CPSF6: variants seen among roughly 807,000 people sequenced by gnomAD.
CPSF6 encodes the protein cleavage and polyadenylation specificity factor subunit 6.
CPSF6 carries 10 observed loss-of-function variants against 56.7 expected under a neutral mutation model. That is an observed-to-expected ratio of 0.18 (90% CI 0.11 to 0.30). CPSF6 has a LOEUF of 0.30. Among genes scored for constraint, CPSF6 ranks in the 10% least tolerant of loss-of-function variants. The pLI, the probability that CPSF6 is intolerant of heterozygous loss-of-function variation, is 1.00. For synonymous variants in CPSF6, 248 were observed against 244.8 expected, an observed-to-expected ratio of 1.01 and a Z score of -0.12; for missense variants, 419 against 722.9, an observed-to-expected ratio of 0.58 and a Z score of 4.82.
intron 3 of CPSF6, 43 bp downstream of exon 3, chr12:69,253,197 T>C: frequency 1.0e-6 from 1 of 984,804 alleles, no homozygotes; most frequent in Non-Finnish European, 1.6e-6. Flanking sequence ...TAGCTAGTGA[T>C]ACAGTTTTTA....
Position 69,269,566 on chromosome 12 carries a change from A to T in CPSF6, c.*58A>T, listed in dbSNP as rs1873149549. Reference sequence around the variant, plus strand: ...AAACAGTCTTCATGGGGGAAAAATGACGCTTGTCCAGCAGTTTGCTTCTTG... The same window carrying T: ...AAACAGTCTTCATGGGGGAAAAATGTCGCTTGTCCAGCAGTTTGCTTCTTG... On this transcript the variant is annotated 3_prime_UTR_variant, in exon 10 of 10. Coordinates refer to ENST00000435070, the MANE Select transcript of CPSF6 (RefSeq NM_007007.3). 4.4e-6 allele frequency: 2 copies of T among 449,692 alleles called. No individual in the cohort carries two copies. The highest frequency in any genetic ancestry group is 4.5e-6 in the Non-Finnish European group (1 of 223,702). The allele number at this position is 449,692 out of a possible 1,614,324, so 27.9% of individuals were successfully genotyped here. A position where few individuals can be genotyped will look rare whatever the true frequency, so the allele number is the denominator to read the frequency against.
At position 69,262,510 on chromosome 12, in the gene CPSF6, G is replaced by A. The variant is rs762323266; in HGVS notation, c.1607G>A (p.Arg536Gln). 1 of 1,613,980 alleles carries A rather than the reference G, an allele frequency of 6.2e-7. No homozygotes were observed. The highest frequency in any genetic ancestry group is 8.5e-7 in the Non-Finnish European group (1 of 1,179,936). ...RERERHRDRD[R>Q]DRDRERDRER... The stretch of plus-strand genomic sequence containing the variant: ...CGAGAGAGGCACCGGGATCGTGACC[G>A]AGACCGTGACCGAGAGCGTGACCGA... Residue 536 changes from arginine to glutamine, a missense_variant, in exon 9 of 10, where the codon CGA (arginine) becomes CAA (glutamine). Transcript: ENST00000435070.
chr12:69,247,983 A>G (rs1368861216), intron 1 of CPSF6, among the ~76,000 whole-genome samples: 1 of 152,234 alleles, frequency 6.6e-6, no homozygotes, highest in African/African-American at 2.4e-5. Context: ...ATCAAACCCC[A>G]GGACCATGGT....
At chr12:69,247,621 TTA>T (rs1871983204) in intron 1 of CPSF6, among the ~76,000 whole-genome samples, 1 of 152,212 alleles carries the variant, frequency 6.6e-6, no homozygotes, top group African/African-American at 2.4e-5. Context: ...AACCTTTTTT[TTA>T]GTCTGTTCAG....
intron 1 of CPSF6, among the ~76,000 whole-genome samples, chr12:69,250,655 G>GT (rs71091600): frequency 8.3e-4 from 120 of 145,428 alleles, no homozygotes; most frequent in Non-Finnish European, 1.2e-3. Flanking sequence ...TTGTTTTTTT[G>GT]TTTTTTTTTG....
chr12:69,252,537 G>A (rs1422326172), intron 2 of CPSF6, among the ~76,000 whole-genome samples: 2 of 152,262 alleles, frequency 1.3e-5, no homozygotes, highest in East Asian at 3.9e-4. Flanking sequence ...TTGTTAAAGA[G>A]TTAAAGCTCT....
rs559899167 is a variant in CPSF6, at chr12:69,270,347, G to T, written c.*839G>T. ...CATAAGTAAAAACCCGTACATATTTGATGTGTAATGCAGGTTAATTACAAC... is the reference window on the plus strand; with the variant it reads ...CATAAGTAAAAACCCGTACATATTTTATGTGTAATGCAGGTTAATTACAAC... On this transcript the variant is annotated 3_prime_UTR_variant, in exon 10 of 10. Transcript: ENST00000435070. 1.3e-5 allele frequency: 2 copies of T among 152,224 alleles called. No individual in the cohort carries two copies. Among genetic ancestry groups the T allele is most frequent in the East Asian group, 3.9e-4 (2 of 5,188 alleles). 9.4% of individuals were successfully genotyped at this position (152,224 alleles called of 1,614,324 possible). A position where few individuals can be genotyped will look rare whatever the true frequency, so the allele number is the denominator to read the frequency against.
At chr12:69,253,001 A>G (rs2120517056) in intron 2 of CPSF6, 50 bp from the exon 3 acceptor site, 1 of 1,077,592 alleles carries the variant, frequency 9.3e-7, no homozygotes, top group Middle Eastern at 2.2e-4. Context: ...TGGGATAATA[A>G]AAATCTTGGT....
Position 69,262,423 on chromosome 12 carries a change from G to A in CPSF6, c.1520G>A (p.Arg507Gln). 10 of 1,612,348 alleles carry A rather than the reference G, an allele frequency of 6.2e-6. No homozygotes were observed. Among genetic ancestry groups the A allele is most frequent in the Non-Finnish European group, 8.5e-6 (10 of 1,178,810 alleles). Residue 507 changes from arginine to glutamine, a missense_variant, in exon 9 of 10, where the codon CGA becomes CAA. Arg to Gln is a conservative substitution (Grantham distance 43, BLOSUM62 1). Transcript: ENST00000435070. ...RDHSRSREKSRRHKSRSRDRH... is the reference protein window; with the variant it reads ...RDHSRSREKSQRHKSRSRDRH... Reference sequence around the variant, plus strand: ...CATAGTAGATCACGAGAAAAGAGTCGACGTCATAAATCCCGTAGTAGAGAC... The same window carrying A: ...CATAGTAGATCACGAGAAAAGAGTCAACGTCATAAATCCCGTAGTAGAGAC...
Position 69,260,116 on chromosome 12 carries a change from A to T in CPSF6, c.1388A>T (p.Asp463Val), listed in dbSNP as rs368256817. The T allele has an allele frequency of 6.2e-7, 1 of 1,613,630 alleles. No homozygotes were observed. The highest frequency in any genetic ancestry group is 8.5e-7 in the Non-Finnish European group (1 of 1,179,742). Residue 463 changes from aspartate to valine, a missense_variant, in exon 8 of 10, where the codon GAT (aspartate) becomes GTT (valine). Asp to Val is a radical substitution (Grantham distance 152). Around this residue, in one of 4 missense-constraint regions of CPSF6, gnomAD observed 81 missense variants for 193.6 expected, o/e 0.42. Coordinates refer to ENST00000435070, the MANE Select transcript of CPSF6 (RefSeq NM_007007.3). ...ATTAAACAATCCAAAGTATCTGCTG[A>T]TGATCGTTGCAAAGTTCTTATTAGT... is the stretch of plus-strand genomic sequence containing the variant. ...SLIKQSKVSA[D>V]DRCKVLISSL...
At chr12:69,250,201 T>C (rs1371271512) in intron 1 of CPSF6, among the ~76,000 whole-genome samples, 1 of 152,104 alleles carries the variant, frequency 6.6e-6, no homozygotes, top group African/African-American at 2.4e-5. Flanking sequence ...TTCCTCAAGG[T>C]TGGAAAACAA....
chr12:69,271,348 G>A lies in CPSF6; in HGVS notation c.*1840G>A, dbSNP rs1873233637. On this transcript the variant is annotated 3_prime_UTR_variant, in exon 10 of 10. Transcript: ENST00000435070. ...TTTGACTACAATGCCCTAATGCGAA[G>A]AAGTATGGACATATAAATATTACAA... 6.6e-6 allele frequency: 1 copy of A among 152,026 alleles called. No individual in the cohort carries two copies. Among genetic ancestry groups the A allele is most frequent in the African/African-American group, 2.4e-5 (1 of 41,346 alleles). The allele number at this position is 152,026 out of a possible 1,614,324, so 9.4% of individuals were successfully genotyped here.
At chr12:69,243,592 A>G (rs1204497175) in intron 1 of CPSF6, among the ~76,000 whole-genome samples, 2 of 152,204 alleles carry the variant, frequency 1.3e-5, no homozygotes, top group African/African-American at 2.4e-5. Flanking sequence ...TGTATCTAAT[A>G]TATCTAAACA....
chr12:69,258,185 A>ACTTATAT lies in CPSF6; in HGVS notation c.694+280_694+281insCTTATAT. The ACTTATAT allele has an allele frequency of 1.9e-6, 2 of 1,070,456 alleles. No homozygotes were observed. Among genetic ancestry groups the ACTTATAT allele is most frequent in the South Asian group, 2.8e-5 (2 of 70,324 alleles). The allele number at this position is 1,070,456 out of a possible 1,614,324, so 66.3% of individuals were successfully genotyped here. On this transcript the variant is annotated intron_variant, in intron 5 of 9. Coordinates refer to ENST00000435070, the MANE Select transcript of CPSF6 (RefSeq NM_007007.3). This position sits in a 1 kb window ranked among gnomAD's most constrained non-coding sequence, Gnocchi z 4.2. ...CCAAACTTGCTTGACTTATATATAGAATATTTACATCCGTCTTACTTTCTT... is the reference window on the plus strand; with the variant it reads ...CCAAACTTGCTTGACTTATATATAGACTTATATATATTTACATCCGTCTTACTTTCTT...
In CPSF6 at chr12:69,253,158, A is replaced by AG; in HGVS notation, c.374+5dup. 2 of 1,463,110 alleles carry AG rather than the reference A, an allele frequency of 1.4e-6. No homozygotes were observed. Among genetic ancestry groups the AG allele is most frequent in the Non-Finnish European group, 9.4e-7 (1 of 1,065,448 alleles). 90.6% of individuals were successfully genotyped at this position (1,463,110 alleles called of 1,614,324 possible). A position where few individuals can be genotyped will look rare whatever the true frequency, so the allele number is the denominator to read the frequency against. On this transcript the variant is annotated splice_donor_region_variant and intron_variant, in intron 3 of 9. Transcript: ENST00000435070. Reference sequence around the variant, plus strand: ...GGGCAAATGGCCAGTCAAAGGGGTAAGTTTTTTTTTTCTTTCTTTTTGATT... The same window carrying AG: ...GGGCAAATGGCCAGTCAAAGGGGTAAGGTTTTTTTTTTCTTTCTTTTTGATT...
At position 69,258,064 on chromosome 12, in the gene CPSF6, A is replaced by G; in HGVS notation, c.694+159A>G. ...TTTGATCAAGCATCTTGTTAAAGGA[A>G]CTCGGCCTTTGTTCCTGGAAACTAG... is the stretch of plus-strand genomic sequence containing the variant. On this transcript the variant is annotated intron_variant, in intron 5 of 9. Coordinates refer to ENST00000435070, the MANE Select transcript of CPSF6 (RefSeq NM_007007.3). This position sits in a 1 kb window ranked among gnomAD's most constrained non-coding sequence, Gnocchi z 4.2. 1 of 1,538,168 alleles carries G rather than the reference A, an allele frequency of 6.5e-7. No homozygotes were observed. The highest frequency in any genetic ancestry group is 8.7e-7 in the Non-Finnish European group (1 of 1,146,742).
chr12:69,263,881 G>A (rs1872855254), intron 9 of CPSF6, among the ~76,000 whole-genome samples: 1 of 151,996 alleles, frequency 6.6e-6, no homozygotes, highest in African/African-American at 2.4e-5. Context: ...TGAATATGCA[G>A]ATTGAATATC....
rs1478791777 is a variant in CPSF6 at position 69,273,851 on chromosome 12, G to T, written c.*4343G>T. Reference sequence around the variant, plus strand: ...TATTATTCCTTCCTCTGCATCCCATGGTATATTAGCAAAGTAGTTTACAGC... The same window carrying T: ...TATTATTCCTTCCTCTGCATCCCATTGTATATTAGCAAAGTAGTTTACAGC... On this transcript the variant is annotated 3_prime_UTR_variant, in exon 10 of 10. Coordinates refer to ENST00000435070, the MANE Select transcript of CPSF6 (RefSeq NM_007007.3). 6.6e-6 allele frequency: 1 copy of T among 151,734 alleles called. No individual in the cohort carries two copies. Among genetic ancestry groups the T allele is most frequent in the East Asian group, 1.9e-4 (1 of 5,200 alleles). 9.4% of individuals were successfully genotyped at this position (151,734 alleles called of 1,614,324 possible).
At position 69,251,171 on chromosome 12, in the gene CPSF6, G is replaced by A; in HGVS notation, c.103G>A (p.Asp35Asn). 6.2e-7 allele frequency: 1 copy of A among 1,611,632 alleles called. No homozygotes were observed. The highest frequency in any genetic ancestry group is 2.2e-5 in the East Asian group (1 of 44,860). Reference protein sequence around the residue: ...GGHDQIDLYDDVISPSANNGD... With the variant: ...GGHDQIDLYDNVISPSANNGD... ...GCATGATCAGATAGATTTGTATGAC[G>A]ATGTCATATCTCCATCTGCAAATAA... The change falls in exon 2 of 10, where the codon GAT (aspartate) becomes AAT (asparagine). Residue 35 changes from aspartate to asparagine, a missense_variant. Asp to Asn is a conservative substitution (Grantham distance 23). Coordinates refer to ENST00000435070, the MANE Select transcript of CPSF6 (RefSeq NM_007007.3).
Sources: allele counts gnomAD v4.1 joint callset (sites outside exome capture counted in the v4.1 genomes callset), GRCh38; gene constraint gnomAD v4.1.1; regional missense constraint gnomAD v4.1.1; non-coding constraint Gnocchi (gnomAD v3.1); transcripts MANE v1.5; gene names NCBI Gene and HGNC (gene_info 2026-07-23, HGNC 2026-07-21).